The following SPON2 variants were observed in gnomAD, a reference collection of about 807,000 sequenced individuals.
SPON2 encodes the protein spondin-2.
A neutral mutation model predicts 29.9 loss-of-function variants in SPON2; 32 were observed. The ratio of observed to expected loss-of-function variants is 1.07; its 90% CI spans 0.81 to 1.44. SPON2 has a LOEUF of 1.44. SPON2 is among the 40% of genes most tolerant of loss of function. The pLI, the probability that SPON2 is intolerant of heterozygous loss-of-function variation, is 0.00. For synonymous variants in SPON2, 248 were observed against 209.1 expected (o/e 1.19, Z -1.61); for missense variants, 541 against 455.5 (o/e 1.19, Z -1.71).
chr4:1,170,196 A>G, intron 5 of SPON2: 1 of 596,544 alleles, frequency 1.7e-6, no homozygotes. Flanking sequence ...TGGCCCTGTA[A>G]GATGCTTTCA....
At chr4:1,172,450 G>A (rs1299981878) in intron 1 of SPON2, 94 bp downstream of exon 1, 3 of 339,638 alleles carry the variant, frequency 8.8e-6, no homozygotes, top group African/African-American at 4.4e-5. Flanking sequence ...CAGTCCTGGG[G>A]GTCCCTCTGG....
chr4:1,170,768 T>C, intron 4 of SPON2, 192 bp from the exon 5 acceptor site: 1 of 946,378 alleles, frequency 1.1e-6, no homozygotes, highest in South Asian at 1.4e-5. Flanking sequence ...AGGGGCAGCC[T>C]CCTCGGGACG....
intron 1 of SPON2, among the ~76,000 whole-genome samples, chr4:1,192,681 C>A (rs967431786): frequency 6.6e-6 from 1 of 152,180 alleles, no homozygotes; most frequent in African/African-American, 2.4e-5. Flanking sequence ...CACAGAAGCT[C>A]GCAGCCTGGA....
At chr4:1,176,850 CACTT>C (rs887788957), upstream of SPON2, among the ~76,000 whole-genome samples, 7 of 151,546 alleles carry the variant, frequency 4.6e-5, no homozygotes, top group Admixed American at 3.3e-4. Flanking sequence ...TTCATTCACA[CACTT>C]CATTCATTCA....
intron 1 of SPON2, chr4:1,200,699 C>T: frequency 2.4e-6 from 1 of 412,836 alleles, no homozygotes; most frequent in Non-Finnish European, 4.9e-6. Flanking sequence ...TCACAACTCT[C>T]CCATCTGCGT....
chr4:1,199,478 C>T (rs559448498), upstream of SPON2: 2 of 152,292 alleles, frequency 1.3e-5, no homozygotes, highest in South Asian at 4.1e-4. The surrounding 1 kb of genome is among the most constrained non-coding windows in gnomAD (Gnocchi z 4.5). Context: ...TAACTTCCCA[C>T]TCCTCTAGCA....
chr4:1,175,430 A>G (rs1700638928), upstream of SPON2, among the ~76,000 whole-genome samples: 1 of 152,134 alleles, frequency 6.6e-6, no homozygotes, highest in Admixed American at 6.5e-5. Flanking sequence ...ATGCCGTCTC[A>G]GTGAGCTCTG....
At chr4:1,178,173 ACGGGC>A, upstream of SPON2, among the ~76,000 whole-genome samples, 1 of 140,914 alleles carries the variant, frequency 7.1e-6, no homozygotes, top group Non-Finnish European at 1.5e-5. Flanking sequence ...GCCAGGCACC[ACGGGC>A]TCTGCACACA....
upstream of SPON2, among the ~76,000 whole-genome samples, chr4:1,176,647 T>G (rs1464970775): frequency 3.9e-5 from 6 of 152,012 alleles, no homozygotes; most frequent in Non-Finnish European, 5.9e-5. Context: ...GTACATTCAT[T>G]CACTAATTCA....
intron 4 of SPON2, 30 bp downstream of exon 4, chr4:1,170,969 G>A (rs1218290807): frequency 2.6e-6 from 4 of 1,546,060 alleles, no homozygotes; most frequent in South Asian, 2.4e-5. Context: ...GGGCCATAGC[G>A]GCCCTTGCGC....
At chr4:1,195,034 C>T (rs1432442853) in exon 1 of SPON2, 2 of 115,306 alleles carry the variant, frequency 1.7e-5, no homozygotes, top group Non-Finnish European at 3.9e-5. Context: ...GCTCCAACCC[C>T]GCAGCCGGCG....
upstream of SPON2, among the ~76,000 whole-genome samples, chr4:1,198,547 A>G (rs1054430672): frequency 6.6e-6 from 1 of 152,218 alleles, no homozygotes; most frequent in Non-Finnish European, 1.5e-5. Context: ...TCTAAGTAAG[A>G]GAACAGCAAA....
At chr4:1,192,309 G>C (rs1320757561) in intron 1 of SPON2, among the ~76,000 whole-genome samples, 1 of 152,256 alleles carries the variant, frequency 6.6e-6, no homozygotes, top group Non-Finnish European at 1.5e-5. Flanking sequence ...TCAGCCCTAG[G>C]GCTGGTCTTG....
chr4:1,170,273 C>T (rs1371899272), intron 5 of SPON2, 129 bp downstream of exon 5: 3 of 835,892 alleles, frequency 3.6e-6, no homozygotes, highest in African/African-American at 3.4e-5. Flanking sequence ...ATCTTCTAGG[C>T]ACCATCTTGC....
chr4:1,187,414 C>T (rs1046644029), intron 1 of SPON2, among the ~76,000 whole-genome samples: 3 of 152,158 alleles, frequency 2.0e-5, no homozygotes, highest in Admixed American at 1.3e-4. Flanking sequence ...GTTTCAGTTT[C>T]ACAAGATGAA....
intron 2 of SPON2, 55 bp from the exon 3 acceptor site, chr4:1,171,541 T>C (rs951761037): frequency 2.6e-6 from 4 of 1,555,562 alleles, no homozygotes; most frequent in Non-Finnish European, 3.5e-6. Flanking sequence ...CGGTCGGGCT[T>C]GGATTCCAGG....
upstream of SPON2, among the ~76,000 whole-genome samples, chr4:1,195,489 T>TCCCCCCCC (rs910772142): frequency 1.3e-4 from 19 of 145,968 alleles, 1 homozygote; most frequent in East Asian, 9.7e-4. Context: ...CACCTGAACC[T>TCCCCCCCC]CCCCCCGCCT....
At chr4:1,195,305 A>T (rs910823519), upstream of SPON2, among the ~76,000 whole-genome samples, 2 of 152,030 alleles carry the variant, frequency 1.3e-5, no homozygotes, top group African/African-American at 4.8e-5. Flanking sequence ...CCTCGCAGGA[A>T]CCACTTCGCT....
At chr4:1,178,332 G>A (rs1200900921) in intron 2 of SPON2, among the ~76,000 whole-genome samples, 1 of 152,198 alleles carries the variant, frequency 6.6e-6, no homozygotes, top group Non-Finnish European at 1.5e-5. Flanking sequence ...CTTTCTAAAG[G>A]CTACTTTAGC....
Sources: gnomAD v4.1 joint callset for allele counts (sites outside exome capture counted in the v4.1 genomes callset) on GRCh38, gnomAD v4.1.1 for gene constraint, Gnocchi (gnomAD v3.1) non-coding constraint, MANE v1.5 for transcripts, NCBI Gene and HGNC (gene_info 2026-07-23, HGNC 2026-07-21) for gene names.